FAF1: variants seen among roughly 807,000 people sequenced by gnomAD.
FAF1 encodes FAS-associated factor 1.
In FAF1, 25 loss-of-function variants were observed where a neutral mutation model predicts 92.5. The observed-to-expected ratio is 0.27, with a 90% CI of 0.20 to 0.38. FAF1 has a LOEUF of 0.38. Ranked by LOEUF, FAF1 falls within the 10% of genes least tolerant of loss-of-function variation. FAF1 has a pLI of 1.00. For missense variants in FAF1, 636 were observed against 793.3 expected (o/e 0.80, Z 2.38); for synonymous variants, 234 against 273.2 (o/e 0.86, Z 1.42).
At chr1:50,846,846 G>C in intron 2 of FAF1, 2 of 579,808 alleles carry the variant, frequency 3.4e-6, no homozygotes, top group Non-Finnish European at 6.1e-6. Context: ...GAAGTGAGAA[G>C]ATTCACCAGG....
At chr1:50,655,325 T>C (rs1655058150) in intron 8 of FAF1, 117 bp downstream of exon 8, 1 of 771,906 alleles carries the variant, frequency 1.3e-6, no homozygotes, top group African/African-American at 1.7e-5. Flanking sequence ...CCTGGCTAGA[T>C]AATTCTTTCA....
At chr1:50,618,414 GTTTTTTT>G (rs540421778) in intron 8 of FAF1, among the ~76,000 whole-genome samples, 1,307 of 111,900 alleles carry the variant, frequency 0.012, 24 homozygotes, top group African/African-American at 0.041. Flanking sequence ...AGTTTTTAGA[GTTTTTTT>G]TTTTTTTTTT....
chr1:50,482,122 CCT>C (rs919146459), intron 17 of FAF1, among the ~76,000 whole-genome samples: 23 of 152,086 alleles, frequency 1.5e-4, no homozygotes, highest in African/African-American at 5.6e-4. Flanking sequence ...AGTTCTATTA[CCT>C]CTCTCCCCGT....
intron 7 of FAF1, among the ~76,000 whole-genome samples, chr1:50,665,401 C>A (rs562134653): frequency 6.6e-6 from 1 of 152,334 alleles, no homozygotes; most frequent in East Asian, 1.9e-4. Context: ...ATATTCATTG[C>A]AGCCTTGTTT....
chr1:50,673,331 AT>A (rs1278323585), intron 7 of FAF1, among the ~76,000 whole-genome samples: 2 of 152,194 alleles, frequency 1.3e-5, no homozygotes, highest in Non-Finnish European at 1.5e-5. Flanking sequence ...TTCCCAATGG[AT>A]GTATAAGCAA....
At chr1:50,755,988 G>A (rs1257711600) in intron 4 of FAF1, among the ~76,000 whole-genome samples, 1 of 152,164 alleles carries the variant, frequency 6.6e-6, no homozygotes, top group African/African-American at 2.4e-5. Context: ...TCATGGGAGG[G>A]CCTGCTGTGA....
chr1:50,460,449 T>C (rs1366350981), intron 18 of FAF1, among the ~76,000 whole-genome samples: 2 of 152,242 alleles, frequency 1.3e-5, no homozygotes, highest in Non-Finnish European at 2.9e-5. Context: ...AGGGCTGTGA[T>C]GTGCCTTGTG....
intron 8 of FAF1, among the ~76,000 whole-genome samples, chr1:50,623,944 A>AAGAAAG (rs1168572809): frequency 6.6e-6 from 1 of 152,090 alleles, no homozygotes; most frequent in Non-Finnish European, 1.5e-5. Flanking sequence ...TCTCAAAAAA[A>AAGAAAG]AACAAAGAAA....
At chr1:50,887,622 T>G (rs1009222889) in intron 1 of FAF1, among the ~76,000 whole-genome samples, 6 of 152,244 alleles carry the variant, frequency 3.9e-5, no homozygotes, top group African/African-American at 1.4e-4. Context: ...CAGCACCAAT[T>G]ATTAAACAGG....
chr1:50,822,383 A>G (rs1474070648), intron 2 of FAF1, among the ~76,000 whole-genome samples: 1 of 152,216 alleles, frequency 6.6e-6, no homozygotes, highest in Non-Finnish European at 1.5e-5. Context: ...ATTAACATCT[A>G]TGAGTGAAAA....
rs955366085 is a variant in FAF1 at position 50,505,360 on chromosome 1, C to T, written c.1495-13559G>A. On this transcript the variant is annotated intron_variant, in intron 15 of 18. Transcript: ENST00000396153. ...GGCAATAGAGAGAGACAGCCAAACA[C>T]CTATTCCTCTCCAAAATGGCAGCCT... is the stretch of plus-strand genomic sequence containing the variant. Among the ~76,000 whole-genome samples the T allele has an allele frequency of 2.6e-5, 4 of 152,236 alleles. No homozygotes were observed. The South Asian group carries it at 8.3e-4, about 32-fold the overall frequency.
At chr1:50,947,571 G>C (rs1184783698) in intron 1 of FAF1, among the ~76,000 whole-genome samples, 1 of 152,212 alleles carries the variant, frequency 6.6e-6, no homozygotes. Context: ...TAAAATGTAT[G>C]CCTTAAAATC....
rs185721464 is a variant in FAF1 at position 50,871,958 on chromosome 1, G to A, written c.46-13961C>T. ...CGGGCGCCTGTAGTCCCAGCTACTCGGGAGGCTGAGGCAGGAGAATGGCAT... is the reference window on the plus strand; with the variant it reads ...CGGGCGCCTGTAGTCCCAGCTACTCAGGAGGCTGAGGCAGGAGAATGGCAT... On this transcript the variant is annotated intron_variant, in intron 1 of 18. Transcript: ENST00000396153. 2.0e-3 allele frequency among the ~76,000 whole-genome samples: 302 copies of A among 151,458 alleles called. 5 individuals are homozygous for A. The East Asian group carries it at 0.038, about 19-fold the overall frequency.
chr1:50,628,592 C>T (rs567855432), intron 8 of FAF1, among the ~76,000 whole-genome samples: 44 of 152,326 alleles, frequency 2.9e-4, no homozygotes, highest in Non-Finnish European at 5.1e-4. Context: ...ACAATACCTT[C>T]TCCTTCTTGG....
At chr1:50,807,313 T>C (rs1662243002) in intron 2 of FAF1, among the ~76,000 whole-genome samples, 1 of 152,184 alleles carries the variant, frequency 6.6e-6, no homozygotes, top group Non-Finnish European at 1.5e-5. Context: ...GAAAAGAGGT[T>C]TAATTGACTC....
At chr1:50,649,617 C>A (rs575643099) in intron 8 of FAF1, among the ~76,000 whole-genome samples, 51 of 151,894 alleles carry the variant, frequency 3.4e-4, no homozygotes, top group African/African-American at 1.2e-3. Flanking sequence ...ATTTTGTGGC[C>A]AATGACAGAA....
intron 1 of FAF1, among the ~76,000 whole-genome samples, chr1:50,887,437 A>G (rs1204396240): frequency 1.3e-5 from 2 of 152,212 alleles, no homozygotes; most frequent in East Asian, 3.8e-4. Context: ...TGTTTTAGAC[A>G]TGAAGTCCTT....
intron 15 of FAF1, among the ~76,000 whole-genome samples, chr1:50,508,508 A>G (rs962184287): frequency 2.0e-5 from 3 of 152,230 alleles, no homozygotes; most frequent in Admixed American, 2.0e-4. Context: ...GATTCCATTT[A>G]TAAGAAATAT....
At chr1:50,646,174 G>C (rs1408182318) in intron 8 of FAF1, among the ~76,000 whole-genome samples, 1 of 152,072 alleles carries the variant, frequency 6.6e-6, no homozygotes, top group Admixed American at 6.6e-5. Context: ...AGTAATGTTA[G>C]GATTCAACAA....
Sources: gnomAD v4.1 joint callset for allele counts (sites outside exome capture counted in the v4.1 genomes callset) on GRCh38, gnomAD v4.1.1 for gene constraint, MANE v1.5 for transcripts, NCBI Gene and HGNC (gene_info 2026-07-23, HGNC 2026-07-21) for gene names.